The following EYS variants were observed in gnomAD, a reference collection of about 807,000 sequenced individuals.
EYS encodes protein eyes shut homolog.
Under a neutral mutation model 282.1 loss-of-function variants are expected in EYS, and 250 were observed. That is an observed-to-expected ratio of 0.89 (90% CI 0.80 to 0.98). The LOEUF is 0.98. EYS is among the 50% of genes least tolerant of loss of function. EYS has a pLI of 0.00. For missense variants in EYS, 4,016 were observed against 3,709.0 expected (o/e 1.08, Z -2.15); for synonymous variants, 1,355 against 1,282.9 (o/e 1.06, Z -1.20).
At chr6:65,045,196 C>A (rs189458318) in intron 13 of EYS, among the ~76,000 whole-genome samples, 109 of 151,954 alleles carry the variant, frequency 7.2e-4, no homozygotes, top group Middle Eastern at 6.8e-3. Context: ...TGTGTGTGTG[C>A]TCTCCTAAGT....
At chr6:64,218,073 ACT>A (rs1765988362) in intron 31 of EYS, among the ~76,000 whole-genome samples, 1 of 151,954 alleles carries the variant, frequency 6.6e-6, no homozygotes, top group Admixed American at 6.6e-5. Flanking sequence ...GCACATAATG[ACT>A]CTATCTAAGC....
At chr6:64,063,987 G>A (rs1046631148) in intron 33 of EYS, among the ~76,000 whole-genome samples, 1 of 151,982 alleles carries the variant, frequency 6.6e-6, no homozygotes, top group African/African-American at 2.4e-5. Context: ...CTCCCAAATG[G>A]TTTTTTCATG....
At chr6:64,682,241 G>A (rs111841236) in intron 22 of EYS, among the ~76,000 whole-genome samples, 8,894 of 152,104 alleles carry the variant, frequency 0.058, 624 homozygotes, top group African/African-American at 0.16. Context: ...GGTGGCGGGC[G>A]CCTGTAGTCC....
chr6:64,412,411 G>T (rs1327162768), intron 28 of EYS, among the ~76,000 whole-genome samples: 1 of 152,036 alleles, frequency 6.6e-6, no homozygotes, highest in Non-Finnish European at 1.5e-5. Flanking sequence ...ATCTTGAAAG[G>T]TCTTTGTTAG....
At chr6:64,820,375 A>G (rs1322194890) in intron 21 of EYS, among the ~76,000 whole-genome samples, 1 of 152,118 alleles carries the variant, frequency 6.6e-6, no homozygotes, top group African/African-American at 2.4e-5. Flanking sequence ...ATTTACTGAT[A>G]TTTTAATACA....
intron 26 of EYS, among the ~76,000 whole-genome samples, chr6:64,531,040 T>C (rs1323175811): frequency 6.6e-6 from 1 of 152,138 alleles, no homozygotes; most frequent in Admixed American, 6.5e-5. Context: ...AAGGGCAATT[T>C]CAAAAGAAAT....
chr6:64,031,528 G>T (rs1205678070), intron 33 of EYS, among the ~76,000 whole-genome samples: 1 of 152,254 alleles, frequency 6.6e-6, no homozygotes, highest in Non-Finnish European at 1.5e-5. Flanking sequence ...CGCAGGACTG[G>T]CAGGCAGCTC....
intron 33 of EYS, among the ~76,000 whole-genome samples, chr6:64,012,082 CTTAG>C (rs933619255): frequency 4.8e-5 from 7 of 146,262 alleles, no homozygotes; most frequent in South Asian, 2.2e-4. Context: ...CTTTCATTTT[CTTAG>C]TTAAATGTTA....
intron 15 of EYS, among the ~76,000 whole-genome samples, chr6:64,928,786 G>A (rs369167411): frequency 2.8e-4 from 43 of 151,764 alleles, no homozygotes; most frequent in African/African-American, 1.0e-3. Flanking sequence ...CTGGTATTAT[G>A]GTTCTATGTG....
At position 65,382,457 on chromosome 6, in the gene EYS, CTGTGTGTGTGTGTGTGTGTGTG is replaced by C. The variant is rs55949006; in HGVS notation, c.1299+1907_1299+1928del. ...ATCTATCTTTGAAGTCTCCTTTCCT[CTGTGTGTGTGTGTGTGTGTGTG>C]TGTGTGTGTGTGTGTGTGTGTGTGC... On this transcript the variant is annotated intron_variant, in intron 8 of 42. Transcript: ENST00000503581. Among the ~76,000 whole-genome samples the C allele has an allele frequency of 7.1e-5, 8 of 112,018 alleles. No homozygotes were observed. In the East Asian group the frequency reaches 1.7e-3, roughly 24 times the overall value. The allele number at this position is 112,018 out of a possible 152,430, so 73.5% of individuals were successfully genotyped here. A position where few individuals can be genotyped will look rare whatever the true frequency, so the allele number is the denominator to read the frequency against.
intron 12 of EYS, among the ~76,000 whole-genome samples, chr6:65,274,909 GGAGAGAGAGA>G (rs3042964): frequency 6.7e-6 from 1 of 148,432 alleles, no homozygotes; most frequent in African/African-American, 2.5e-5. Context: ...CAAAAAAAAA[GGAGAGAGAGA>G]GAGAGAGAGA....
intron 24 of EYS, among the ~76,000 whole-genome samples, chr6:64,612,396 G>A (rs1767142151): frequency 6.6e-6 from 1 of 152,076 alleles, no homozygotes; most frequent in Non-Finnish European, 1.5e-5. Flanking sequence ...GAAATGAGCA[G>A]TTCTGATCAA....
chr6:65,029,862 C>T (rs1481602555), intron 13 of EYS, among the ~76,000 whole-genome samples: 2 of 152,110 alleles, frequency 1.3e-5, no homozygotes, highest in Non-Finnish European at 2.9e-5. Context: ...CTTCATTGGC[C>T]TGCTGAGTAT....
At position 64,436,363 on chromosome 6, in the gene EYS, A is replaced by G. The variant is rs534694812; in HGVS notation, c.5836-98T>C. On this transcript the variant is annotated intron_variant, in intron 27 of 42. Coordinates refer to ENST00000503581, the MANE Select transcript of EYS (RefSeq NM_001142800.2). Reference sequence around the variant, plus strand: ...TTTATTATTTATCAATATATTTTACATCACTTTGGAGAGACATGAAGTTTG... The same window carrying G: ...TTTATTATTTATCAATATATTTTACGTCACTTTGGAGAGACATGAAGTTTG... 11 of 659,924 alleles carry G rather than the reference A, an allele frequency of 1.7e-5. No individual in the cohort carries two copies. The African/African-American group carries it at 1.8e-4, about 11-fold the overall frequency. 40.9% of individuals were successfully genotyped at this position (659,924 alleles called of 1,614,324 possible). A position where few individuals can be genotyped will look rare whatever the true frequency, so the allele number is the denominator to read the frequency against.
intron 29 of EYS, among the ~76,000 whole-genome samples, chr6:64,317,272 T>A (rs1429677563): frequency 3.3e-5 from 5 of 150,564 alleles, no homozygotes; most frequent in Admixed American, 6.6e-5. Context: ...GGGAGAAAAA[T>A]TTTTAAAATC....
intron 29 of EYS, among the ~76,000 whole-genome samples, chr6:64,359,727 G>A (rs9451400): frequency 0.024 from 3,636 of 151,686 alleles, 76 homozygotes; most frequent in African/African-American, 0.061. Context: ...GGTTGAAGGA[G>A]ATAGAGATCT....
intron 12 of EYS, among the ~76,000 whole-genome samples, chr6:65,237,552 C>G (rs888851832): frequency 6.6e-6 from 1 of 151,928 alleles, no homozygotes; most frequent in Non-Finnish European, 1.5e-5. Flanking sequence ...GCCTGGGTGA[C>G]AGAGTAAGAC....
chr6:65,344,019 C>T lies in EYS; in HGVS notation c.1599+19G>A. The T allele has an allele frequency of 6.2e-7, 1 of 1,602,562 alleles. No individual in the cohort carries two copies. Among genetic ancestry groups the T allele is most frequent in the Non-Finnish European group, 8.5e-7 (1 of 1,171,476 alleles). On this transcript the variant is annotated intron_variant, in intron 10 of 42. Coordinates refer to ENST00000503581, the MANE Select transcript of EYS (RefSeq NM_001142800.2). The stretch of plus-strand genomic sequence containing the variant: ...AGCTAAAGAGAAAAATGAAAAGCAA[C>T]TACATAAAATTACCTTACCTCTTTT...
chr6:64,878,226 A>T (rs1766810784), intron 19 of EYS, among the ~76,000 whole-genome samples: 1 of 152,086 alleles, frequency 6.6e-6, no homozygotes, highest in South Asian at 2.1e-4. Flanking sequence ...ACTCCATCGG[A>T]AAAAAGAAAA....
Sources: allele counts gnomAD v4.1 joint callset (sites outside exome capture counted in the v4.1 genomes callset), GRCh38; gene constraint gnomAD v4.1.1; transcripts MANE v1.5; gene names NCBI Gene and HGNC (gene_info 2026-07-23, HGNC 2026-07-21).